Variants in ABCC11 observed in about 807,000 individuals in gnomAD.
ABCC11 encodes ATP binding cassette subfamily C member 11.
Under a neutral mutation model 149.3 loss-of-function variants are expected in ABCC11, and 135 were observed. The ratio of observed to expected loss-of-function variants is 0.90; its 90% CI spans 0.79 to 1.04. The LOEUF is 1.04. Among genes scored for constraint, ABCC11 ranks in the 50% least tolerant of loss-of-function variants. ABCC11 has a pLI of 0.00. For synonymous variants in ABCC11, 665 were observed against 671.4 expected (o/e 0.99, Z 0.15); for missense variants, 1,680 against 1,722.1 (o/e 0.98, Z 0.43).
chr16:48,203,595 C>T (rs989006674), intron 13 of ABCC11, among the ~76,000 whole-genome samples: 4 of 152,228 alleles, frequency 2.6e-5, no homozygotes, highest in South Asian at 2.1e-4. Context: ...TGGCCAGGCA[C>T]GGTGGCTCAT....
intron 1 of ABCC11, among the ~76,000 whole-genome samples, chr16:48,232,976 G>C (rs1970504067): frequency 6.6e-6 from 1 of 152,152 alleles, no homozygotes; most frequent in Non-Finnish European, 1.5e-5. Context: ...GAGGCGGGAG[G>C]ACTGCTTGAG....
Position 48,165,995 on chromosome 16 carries a change from T to C in ABCC11, c.*1279A>G, listed in dbSNP as rs935577729. Among the ~76,000 whole-genome samples the C allele has an allele frequency of 1.3e-5, 2 of 152,238 alleles. No homozygotes were observed. Among genetic ancestry groups the C allele is most frequent in the African/African-American group, 4.8e-5 (2 of 41,460 alleles). On this transcript the variant is annotated 3_prime_UTR_variant, in exon 30 of 30. Transcript: ENST00000356608. ...CAAATTATTTTATTTTCAGTTGTCA[T>C]ACGTTGTAAGTTATGCTGCTCTTCA...
intron 2 of ABCC11, among the ~76,000 whole-genome samples, chr16:48,230,900 A>G (rs1596846140): frequency 2.0e-5 from 3 of 152,350 alleles, no homozygotes; most frequent in Admixed American, 2.0e-4. Flanking sequence ...TTGAGGGTAA[A>G]TCTACTAAAA....
chr16:48,243,631 T>C (rs556279608), intron 1 of ABCC11, among the ~76,000 whole-genome samples: 3 of 152,302 alleles, frequency 2.0e-5, no homozygotes, highest in African/African-American at 7.2e-5. Context: ...ACTATGATTA[T>C]GTAAGATGAT....
In ABCC11 at chr16:48,230,783, G is replaced by A. The variant is rs1970375277; in HGVS notation, c.100-210C>T. ...GACCCACATTTGCTGAGTGAGTCTG[G>A]CCCAGTCACTCTACCTCTTTGGATT... On this transcript the variant is annotated intron_variant, in intron 2 of 29. Transcript: ENST00000356608. Among the ~76,000 whole-genome samples, 6 of 151,862 alleles carry A rather than the reference G, an allele frequency of 4.0e-5. No homozygotes were observed. In the South Asian group the frequency reaches 1.2e-3, roughly 32 times the overall value.
chr16:48,239,598 C>T (rs1970863321), intron 1 of ABCC11, among the ~76,000 whole-genome samples: 2 of 148,570 alleles, frequency 1.3e-5, no homozygotes, highest in Admixed American at 6.7e-5. Context: ...CTAGGTAATA[C>T]CATTCAGGAT....
chr16:48,167,404 C>T (rs1437521756), intron 29 of ABCC11, 38 bp from the exon 30 acceptor site: 2 of 1,559,076 alleles, frequency 1.3e-6, no homozygotes, highest in East Asian at 4.5e-5. Context: ...GATCAGGGCA[C>T]AGCTGAGCTT....
intron 27 of ABCC11, among the ~76,000 whole-genome samples, chr16:48,170,638 A>G (rs758274970): frequency 6.6e-6 from 1 of 152,216 alleles, no homozygotes; most frequent in Non-Finnish European, 1.5e-5. Context: ...TGTACGTACC[A>G]GGAGGACAAA....
intron 6 of ABCC11, among the ~76,000 whole-genome samples, chr16:48,221,624 G>A (rs1969743917): frequency 6.6e-6 from 1 of 152,202 alleles, no homozygotes; most frequent in South Asian, 2.1e-4. Context: ...GTTGGCTTAG[G>A]GGACGCACTT....
intron 10 of ABCC11, 105 bp downstream of exon 10, chr16:48,213,338 G>A (rs1026924718): frequency 3.1e-6 from 3 of 958,194 alleles, no homozygotes; most frequent in African/African-American, 3.3e-5. Context: ...TCCCTCTCTC[G>A]ACCTAGGCCT....
rs76530430 is a variant in ABCC11 at position 48,222,469 on chromosome 16, G to A, written c.777+129C>T. The stretch of plus-strand genomic sequence containing the variant: ...TAATGGTTATCCACACTCAACCTAG[G>A]AATTATTTTCTTTCTCTTTCTCCTT... On this transcript the variant is annotated intron_variant, in intron 6 of 29. Transcript: ENST00000356608. 2,922 of 756,450 alleles carry A rather than the reference G, an allele frequency of 3.9e-3. 65 individuals are homozygous for A. In the African/African-American group the frequency reaches 0.045, roughly 12 times the overall value. 46.9% of individuals were successfully genotyped at this position (756,450 alleles called of 1,614,324 possible).
intron 6 of ABCC11, among the ~76,000 whole-genome samples, chr16:48,220,716 T>C (rs1243574571): frequency 1.3e-5 from 2 of 152,180 alleles, no homozygotes; most frequent in Non-Finnish European, 2.9e-5. Flanking sequence ...TGGTGAACAG[T>C]AATAACCATA....
chr16:48,225,043 C>CCAAA (rs1969981322), intron 4 of ABCC11, among the ~76,000 whole-genome samples: 1 of 142,490 alleles, frequency 7.0e-6, no homozygotes, highest in Non-Finnish European at 1.5e-5. Context: ...AAAAACAAAC[C>CCAAA]AAAAAAAAAA....
chr16:48,232,131 C>G (rs1057278957), intron 1 of ABCC11, 192 bp from the exon 2 acceptor site: 2 of 1,309,914 alleles, frequency 1.5e-6, no homozygotes, highest in Non-Finnish European at 2.0e-6. Context: ...CTTCTCAGGC[C>G]TCAGGCCCAA....
rs1227697484 is a variant in ABCC11 at position 48,187,396 on chromosome 16, G to A, written c.2738C>T (p.Thr913Ile). 3 of 1,613,878 alleles carry A rather than the reference G, an allele frequency of 1.9e-6. No individual in the cohort carries two copies. The highest frequency in any genetic ancestry group is 1.7e-5 in the Admixed American group (1 of 59,980). Residue 913 changes from threonine (T) to isoleucine (I), a missense_variant, in exon 21 of 30, where the codon ACC becomes ATC. Thr to Ile is a moderately conservative substitution (Grantham distance 89). Transcript: ENST00000356608. ...VFRCPMSFFD[T>I]IPIGRLLNCF... The stretch of plus-strand genomic sequence containing the variant: ...GTTCAAAAGCCGGCCTATTGGGATG[G>A]TGTCAAAGAAACTCATGGGGCAGCG...
At position 48,184,608 on chromosome 16, in the gene ABCC11, A is replaced by G; in HGVS notation, c.3090T>C (p.Asp1030=). ...DFISQFKRLT[D]AQNNYLLLFL... ...ACAACAGCAGGTAGTTATTCTGCGC[A>G]TCAGTCAGCCTCTTAAACCTGAGAA... Residue 1030 remains aspartate (D), a synonymous_variant, in exon 23 of 30, where the codon GAT becomes GAC. Transcript: ENST00000356608. The G allele has an allele frequency of 6.2e-7, 1 of 1,614,146 alleles. No homozygotes were observed. The highest frequency in any genetic ancestry group is 8.5e-7 in the Non-Finnish European group (1 of 1,179,992).
At position 48,176,988 on chromosome 16, in the gene ABCC11, A is replaced by C; in HGVS notation, c.3474T>G (p.Leu1158=). The change falls in exon 25 of 30, where the codon CTT becomes CTG. Residue 1158 remains leucine (L), a synonymous_variant. Transcript: ENST00000356608. The part of the protein sequence containing the change: ...MKYRDNTPTV[L]HGINLTIRGH... The stretch of plus-strand genomic sequence containing the variant: ...CGCGGATGGTCAGGTTGATGCCGTG[A>C]AGCACGGTGGGTGTGTTGTCTCTGT... 3 of 1,614,196 alleles carry C rather than the reference A, an allele frequency of 1.9e-6. No individual in the cohort carries two copies. The highest frequency in any genetic ancestry group is 1.7e-6 in the Non-Finnish European group (2 of 1,180,024).
rs370987941 is a variant in ABCC11 at position 48,175,451 on chromosome 16, C to T, written c.3539-34G>A. On this transcript the variant is annotated intron_variant, in intron 25 of 29. Coordinates refer to ENST00000356608, the MANE Select transcript of ABCC11 (RefSeq NM_001370497.1). ...CAAGAAACAAGCGGGGCCTCAGTTT[C>T]CTGCATCTGCACTAGCGGAAGCACA... is the stretch of plus-strand genomic sequence containing the variant. 22 of 1,588,510 alleles carry T rather than the reference C, an allele frequency of 1.4e-5. No homozygotes were observed. In the African/African-American group the frequency reaches 2.3e-4, roughly 16 times the overall value.
intron 11 of ABCC11, 64 bp downstream of exon 11, chr16:48,210,884 G>A: frequency 6.4e-7 from 1 of 1,571,762 alleles, no homozygotes; most frequent in East Asian, 2.3e-5. Context: ...ACCTGGCCAA[G>A]CTCCTAGCCT....
Sources: allele counts gnomAD v4.1 joint callset (sites outside exome capture counted in the v4.1 genomes callset), GRCh38; gene constraint gnomAD v4.1.1; transcripts MANE v1.5; gene names NCBI Gene and HGNC (gene_info 2026-07-23, HGNC 2026-07-21).